ATP2C2: variants seen among roughly 807,000 people sequenced by gnomAD.
ATP2C2 encodes the protein calcium-transporting ATPase type 2C member 2.
In ATP2C2, 171 loss-of-function variants were observed where a neutral mutation model predicts 110.8. That is an observed-to-expected ratio of 1.54 (90% CI 1.36 to 1.75). The LOEUF is 1.75. ATP2C2 is among the 40% of genes most tolerant of loss of function. ATP2C2 has a pLI of 0.00. For missense variants in ATP2C2, 1,963 were observed against 1,235.0 expected (o/e 1.59, Z -8.84); for synonymous variants, 804 against 508.4 (o/e 1.58, Z -7.82).
At chr16:84,389,556 C>G (rs1268694107) in intron 1 of ATP2C2, among the ~76,000 whole-genome samples, 1 of 152,142 alleles carries the variant, frequency 6.6e-6, no homozygotes, top group African/African-American at 2.4e-5. Flanking sequence ...TAACTGGCAT[C>G]TGTATTTTCG....
chr16:84,412,384 AT>A (rs1906417816), intron 6 of ATP2C2, among the ~76,000 whole-genome samples: 1 of 34,996 alleles, frequency 2.9e-5, no homozygotes, highest in Non-Finnish European at 7.4e-5. Flanking sequence ...GCGTGTGTGT[AT>A]ATGTGTCTGT....
intron 4 of ATP2C2, 109 bp from the exon 5 acceptor site, chr16:84,410,459 G>C: frequency 7.8e-7 from 1 of 1,289,358 alleles, no homozygotes; most frequent in Non-Finnish European, 1.1e-6. Flanking sequence ...CACATGTTTT[G>C]CAAGAAGAAA....
At chr16:84,414,589 G>T (rs1458554480) in intron 6 of ATP2C2, among the ~76,000 whole-genome samples, 1 of 152,178 alleles carries the variant, frequency 6.6e-6, no homozygotes, top group East Asian at 1.9e-4. Context: ...GCCAATCAAG[G>T]GCAGGGGTCT....
At chr16:84,409,854 C>T (rs166019) in intron 4 of ATP2C2, among the ~76,000 whole-genome samples, 140,867 of 152,062 alleles carry the variant, frequency 0.93, 65,310 homozygotes, top group East Asian at 1. Flanking sequence ...TTGTTCCAGC[C>T]GGTATTTTAA....
chr16:84,442,020 C>T (rs1333514747), intron 14 of ATP2C2, among the ~76,000 whole-genome samples: 6 of 152,116 alleles, frequency 3.9e-5, no homozygotes, highest in South Asian at 2.1e-4. Flanking sequence ...TGTCCAGGCT[C>T]ACCAGGCCGG....
intron 7 of ATP2C2, among the ~76,000 whole-genome samples, chr16:84,419,851 C>G (rs1275239476): frequency 6.6e-6 from 1 of 152,188 alleles, no homozygotes; most frequent in Non-Finnish European, 1.5e-5. Context: ...TCCAGGACTG[C>G]TAAGGGACCC....
At chr16:84,423,573 G>GTTGGCCCCTGTTACAT (rs1182104346) in intron 10 of ATP2C2, among the ~76,000 whole-genome samples, 1 of 152,226 alleles carries the variant, frequency 6.6e-6, no homozygotes, top group East Asian at 1.9e-4. Context: ...CCTACAAACA[G>GTTGGCCCCTGTTACAT]TGACTTGGGC....
chr16:84,442,502 C>T lies in ATP2C2; in HGVS notation c.1312-8C>T. 1 of 1,613,920 alleles carries T rather than the reference C, an allele frequency of 6.2e-7. No individual in the cohort carries two copies. Among genetic ancestry groups the T allele is most frequent in the African/African-American group, 1.3e-5 (1 of 75,042 alleles). The stretch of plus-strand genomic sequence containing the variant: ...CTAACTACAGATGTCCGGACAATCC[C>T]CTTTTAGGCGGGCTGTGTTGCCAAC... On this transcript the variant is annotated splice_polypyrimidine_tract_variant and splice_region_variant and intron_variant, in intron 14 of 26. Coordinates refer to ENST00000262429, the MANE Select transcript of ATP2C2 (RefSeq NM_014861.4).
chr16:84,409,690 A>G (rs755299296), intron 4 of ATP2C2, among the ~76,000 whole-genome samples: 9 of 151,988 alleles, frequency 5.9e-5, no homozygotes, highest in Admixed American at 1.3e-4. Flanking sequence ...TTTAGTAGAG[A>G]TGAGGTTTCC....
At chr16:84,461,677 T>A in intron 24 of ATP2C2, 37 bp from the exon 25 acceptor site, 1 of 1,582,318 alleles carries the variant, frequency 6.3e-7, no homozygotes, top group South Asian at 1.1e-5. Flanking sequence ...GGTTGTCTCT[T>A]CCCGCCTAAC....
At chr16:84,449,624 C>T (rs1469356547) in intron 17 of ATP2C2, among the ~76,000 whole-genome samples, 1 of 152,158 alleles carries the variant, frequency 6.6e-6, no homozygotes, top group African/African-American at 2.4e-5. Flanking sequence ...CCAGCTTCTG[C>T]GAGCCAGGTG....
intron 1 of ATP2C2, among the ~76,000 whole-genome samples, chr16:84,397,971 C>T (rs4782620): frequency 0.68 from 103,137 of 151,524 alleles, 36,122 homozygotes; most frequent in South Asian, 0.8. Flanking sequence ...ACAGCAGTTA[C>T]CCCTCAGGTA....
At chr16:84,369,473 G>A (rs1174249942) in intron 1 of ATP2C2, among the ~76,000 whole-genome samples, 1 of 151,802 alleles carries the variant, frequency 6.6e-6, no homozygotes, top group African/African-American at 2.4e-5. Context: ...TTCTGCAGAA[G>A]CGTTTCTCTG....
At position 84,445,196 on chromosome 16, in the gene ATP2C2, C is replaced by T. The variant is rs1368784588; in HGVS notation, c.1402-1133C>T. ...CGAGGTGCTCCCCGCCACGCCTCTG[C>T]GCAGCGTTTTCCTCTTTTTTTTTTT... On this transcript the variant is annotated intron_variant, in intron 15 of 26. Coordinates refer to ENST00000262429, the MANE Select transcript of ATP2C2 (RefSeq NM_014861.4). 9.3e-5 allele frequency among the ~76,000 whole-genome samples: 14 copies of T among 151,246 alleles called. No homozygotes were observed. The East Asian group carries it at 1.2e-3, about 13-fold the overall frequency.
chr16:84,390,898 G>C (rs1409218532), intron 1 of ATP2C2, among the ~76,000 whole-genome samples: 1 of 152,162 alleles, frequency 6.6e-6, no homozygotes, highest in Non-Finnish European at 1.5e-5. Context: ...CGGATCACCT[G>C]AGGTCAGGAG....
intron 6 of ATP2C2, among the ~76,000 whole-genome samples, chr16:84,411,933 CCTTTCTTTTCTTTTCTTTCTTTT>C (rs1159006894): frequency 1.8e-4 from 27 of 151,678 alleles, no homozygotes; most frequent in Admixed American, 1.6e-3. Context: ...TTCTTTCTTT[CCTTTCTTTTCTTTTCTTTCTTTT>C]CTTTCTTTCC....
chr16:84,444,772 C>T (rs983561031), intron 15 of ATP2C2, among the ~76,000 whole-genome samples: 1 of 152,124 alleles, frequency 6.6e-6, no homozygotes, highest in Non-Finnish European at 1.5e-5. Flanking sequence ...TTCCTTTTTC[C>T]TGGGGCCTGG....
At chr16:84,425,907 G>A (rs1010518040) in intron 11 of ATP2C2, 106 bp downstream of exon 11, 13 of 1,363,700 alleles carry the variant, frequency 9.5e-6, no homozygotes, top group African/African-American at 1.4e-5. Flanking sequence ...GGAAGGGTTG[G>A]GAAGGTGCAG....
At chr16:84,388,780 T>G (rs1279393149) in intron 1 of ATP2C2, among the ~76,000 whole-genome samples, 1 of 152,116 alleles carries the variant, frequency 6.6e-6, no homozygotes, top group African/African-American at 2.4e-5. Flanking sequence ...TTATTTCTGT[T>G]TTTGTTTTTT....
Sources: gnomAD v4.1 joint callset for allele counts (sites outside exome capture counted in the v4.1 genomes callset) on GRCh38, gnomAD v4.1.1 for gene constraint, MANE v1.5 for transcripts, NCBI Gene and HGNC (gene_info 2026-07-23, HGNC 2026-07-21) for gene names.